Variants in MYO1D observed in about 807,000 individuals in gnomAD.
MYO1D encodes the protein unconventional myosin-Id.
In MYO1D, 83 loss-of-function variants were observed where a neutral mutation model predicts 122.0. That is an observed-to-expected ratio of 0.68 (90% confidence interval 0.57 to 0.82). The LOEUF is 0.82. Among genes scored for constraint, MYO1D ranks in the 40% least tolerant of loss-of-function variants. The probability of loss-of-function intolerance (pLI) is 0.00; values close to 1 mark genes in which losing one functional copy is unlikely to be tolerated. For synonymous variants in MYO1D, 464 were observed against 446.9 expected, an observed-to-expected ratio of 1.04 and a Z score of -0.48; for missense variants, 1,157 against 1,269.5, an observed-to-expected ratio of 0.91 and a Z score of 1.35.
intron 20 of MYO1D, among the ~76,000 whole-genome samples, chr17:32,630,659 G>A (rs142752577): frequency 0.029 from 4,406 of 149,840 alleles, 217 homozygotes; most frequent in African/African-American, 0.1. Context: ...CGCAAGCTCC[G>A]CCTCCTGGGT....
intron 21 of MYO1D, among the ~76,000 whole-genome samples, chr17:32,536,670 T>C (rs1332689496): frequency 2.0e-5 from 3 of 152,230 alleles, no homozygotes; most frequent in South Asian, 2.1e-4. Flanking sequence ...TTAATGATAG[T>C]ATGAATAAGA....
intron 21 of MYO1D, among the ~76,000 whole-genome samples, chr17:32,509,693 A>G (rs1209985061): frequency 6.6e-6 from 1 of 151,928 alleles, no homozygotes; most frequent in Admixed American, 6.6e-5. Flanking sequence ...GGTTCAGGCA[A>G]TTCCCCTGCC....
chr17:32,760,939 C>T (rs2089995082), intron 8 of MYO1D, among the ~76,000 whole-genome samples: 1 of 152,162 alleles, frequency 6.6e-6, no homozygotes, highest in African/African-American at 2.4e-5. Context: ...TTGAATAAGC[C>T]AGTTCATTGC....
intron 21 of MYO1D, among the ~76,000 whole-genome samples, chr17:32,582,941 A>G (rs1358656778): frequency 6.6e-6 from 1 of 152,236 alleles, no homozygotes; most frequent in Non-Finnish European, 1.5e-5. Flanking sequence ...CAACAAGGAA[A>G]AAATCTTAAA....
intron 1 of MYO1D, among the ~76,000 whole-genome samples, chr17:32,831,888 C>T (rs1331811412): frequency 2.0e-5 from 3 of 152,132 alleles, no homozygotes; most frequent in African/African-American, 7.2e-5. Context: ...TGTCATTACA[C>T]ATAAGGGCAA....
intron 20 of MYO1D, among the ~76,000 whole-genome samples, chr17:32,623,841 CA>C (rs1319717825): frequency 6.6e-6 from 1 of 152,152 alleles, no homozygotes; most frequent in Non-Finnish European, 1.5e-5. Context: ...CCTCACATGG[CA>C]AAAGGGCGAG....
intron 1 of MYO1D, among the ~76,000 whole-genome samples, chr17:32,867,301 A>G (rs1352049946): frequency 6.7e-6 from 1 of 149,440 alleles, no homozygotes; most frequent in Non-Finnish European, 1.5e-5. Context: ...ACTTCAGCCC[A>G]GGTGATAGTG....
chr17:32,613,551 A>G (rs770163729), intron 20 of MYO1D, among the ~76,000 whole-genome samples: 4 of 152,020 alleles, frequency 2.6e-5, no homozygotes, highest in Non-Finnish European at 4.4e-5. Context: ...CGAGGTGGGC[A>G]GATCACGAGG....
intron 16 of MYO1D, among the ~76,000 whole-genome samples, chr17:32,662,396 G>T (rs2088578263): frequency 6.6e-6 from 1 of 152,230 alleles, no homozygotes; most frequent in Non-Finnish European, 1.5e-5. Flanking sequence ...TGCGCAGCGG[G>T]ACGCGGTGGC....
intron 20 of MYO1D, among the ~76,000 whole-genome samples, chr17:32,635,009 G>C (rs2088078232): frequency 6.6e-6 from 1 of 152,210 alleles, no homozygotes; most frequent in Admixed American, 6.5e-5. Context: ...ACCAGAAAAA[G>C]TAAGGAAAGA....
chr17:32,856,065 T>C (rs1412328447), intron 1 of MYO1D, among the ~76,000 whole-genome samples: 1 of 152,198 alleles, frequency 6.6e-6, no homozygotes, highest in Non-Finnish European at 1.5e-5. Context: ...AATCAGAATG[T>C]GCATGCAGAT....
At chr17:32,500,500 C>G (rs1328443828) in intron 21 of MYO1D, among the ~76,000 whole-genome samples, 1 of 152,182 alleles carries the variant, frequency 6.6e-6, no homozygotes, top group Non-Finnish European at 1.5e-5. Flanking sequence ...TTGGCACAGA[C>G]CTGGGCAGCC....
intron 14 of MYO1D, among the ~76,000 whole-genome samples, chr17:32,732,940 C>G (rs2089657738): frequency 6.6e-6 from 1 of 152,226 alleles, no homozygotes; most frequent in South Asian, 2.1e-4. Context: ...TTCCCCAGTG[C>G]CAGCCATGGA....
At chr17:32,654,015 GT>G in intron 18 of MYO1D, 68 bp from the exon 19 acceptor site, 1 of 1,240,916 alleles carries the variant, frequency 8.1e-7, no homozygotes, top group South Asian at 1.3e-5. Context: ...CAATCTTTCA[GT>G]GTACTGCTTT....
intron 19 of MYO1D, among the ~76,000 whole-genome samples, chr17:32,653,627 A>G (rs1257009461): frequency 7.3e-6 from 1 of 137,680 alleles, no homozygotes; most frequent in African/African-American, 2.7e-5. Context: ...AAAAAAAAAA[A>G]AGGTTATCAC....
chr17:32,604,033 T>C (rs1187667417), intron 21 of MYO1D, among the ~76,000 whole-genome samples: 1 of 152,178 alleles, frequency 6.6e-6, no homozygotes, highest in Non-Finnish European at 1.5e-5. Flanking sequence ...ATCTAGAATG[T>C]AAGGTGTAAT....
chr17:32,813,325 T>C (rs1438691053), intron 1 of MYO1D, among the ~76,000 whole-genome samples: 1 of 151,980 alleles, frequency 6.6e-6, no homozygotes. Flanking sequence ...TGCAGACAAG[T>C]AAAAGGAAAA....
intron 1 of MYO1D, among the ~76,000 whole-genome samples, chr17:32,873,839 C>T (rs1357441416): frequency 1.3e-5 from 2 of 152,148 alleles, no homozygotes; most frequent in African/African-American, 4.8e-5. Context: ...ATCTGTACAC[C>T]CAGGATTTTG....
chr17:32,844,422 C>T (rs5013505), intron 1 of MYO1D, among the ~76,000 whole-genome samples: 63,978 of 142,462 alleles, frequency 0.45, 14,152 homozygotes, highest in East Asian at 0.53. Context: ...TGTATATATA[C>T]TATATATAAT....
Sources: allele counts gnomAD v4.1 joint callset (sites outside exome capture counted in the v4.1 genomes callset), GRCh38; gene constraint gnomAD v4.1.1; transcripts MANE v1.5; gene names NCBI Gene and HGNC (gene_info 2026-07-23, HGNC 2026-07-21).